Variants in MARCHF1 observed in about 807,000 individuals in gnomAD.
The protein encoded by MARCHF1 is membrane associated ring-CH-type finger 1, also known as E3 ubiquitin-protein ligase MARCHF1.
Under a neutral mutation model 54.2 loss-of-function variants are expected in MARCHF1, and 40 were observed. That is an observed-to-expected ratio of 0.74 (90% CI 0.57 to 0.96). The LOEUF is 0.96. Among genes scored for constraint, MARCHF1 ranks in the 40% least tolerant of loss-of-function variants. The pLI, the probability that MARCHF1 is intolerant of heterozygous loss-of-function variation, is 0.00. For missense variants in MARCHF1, 586 were observed against 656.5 expected, an observed-to-expected ratio of 0.89 and a Z score of 1.17; for synonymous variants, 236 against 236.3, an observed-to-expected ratio of 1.00 and a Z score of 0.01.
At chr4:164,333,619 C>G (rs968358856) in intron 1 of MARCHF1, among the ~76,000 whole-genome samples, 2 of 152,150 alleles carry the variant, frequency 1.3e-5, no homozygotes, top group African/African-American at 4.8e-5. Context: ...AACTCCGTCC[C>G]TCTCCTCGGA....
chr4:164,188,614 C>T (rs1731040389), intron 1 of MARCHF1: 11 of 937,548 alleles, frequency 1.2e-5, no homozygotes, highest in Middle Eastern at 2.1e-4. Context: ...TCGGCGATGC[C>T]GCCACGAACC....
intron 3 of MARCHF1, among the ~76,000 whole-genome samples, chr4:163,865,623 T>G (rs1039854287): frequency 1.3e-5 from 2 of 151,878 alleles, no homozygotes; most frequent in Non-Finnish European, 2.9e-5. Context: ...CTATAAAGTG[T>G]GTATGAAAGA....
chr4:164,096,143 T>C (rs545594050), intron 2 of MARCHF1, among the ~76,000 whole-genome samples: 32 of 152,150 alleles, frequency 2.1e-4, no homozygotes, highest in Non-Finnish European at 4.3e-4. Context: ...CTATTCACAA[T>C]AGCGAAGACA....
intron 5 of MARCHF1, among the ~76,000 whole-genome samples, chr4:163,669,476 G>A (rs1212973409): frequency 1.3e-5 from 2 of 152,150 alleles, no homozygotes; most frequent in Non-Finnish European, 2.9e-5. Context: ...ATTGAAAGCA[G>A]GGTGTATTTT....
chr4:164,149,772 T>C (rs189128392), intron 1 of MARCHF1, among the ~76,000 whole-genome samples: 14 of 152,264 alleles, frequency 9.2e-5, no homozygotes, highest in African/African-American at 3.4e-4. Context: ...TTTGGATGAA[T>C]GATGTAAAGA....
At chr4:163,961,169 A>C (rs1192285433) in intron 3 of MARCHF1, among the ~76,000 whole-genome samples, 1 of 151,972 alleles carries the variant, frequency 6.6e-6, no homozygotes, top group Non-Finnish European at 1.5e-5. Context: ...CATAGGCCTC[A>C]GCCTGTGAAT....
chr4:163,851,457 T>C (rs1749640058), intron 4 of MARCHF1, among the ~76,000 whole-genome samples: 1 of 152,186 alleles, frequency 6.6e-6, no homozygotes, highest in South Asian at 2.1e-4. Flanking sequence ...GTGTGGGAAG[T>C]GGATTGCAAA....
intron 4 of MARCHF1, among the ~76,000 whole-genome samples, chr4:163,760,152 T>C (rs983921731): frequency 4.6e-5 from 7 of 152,198 alleles, no homozygotes; most frequent in African/African-American, 1.4e-4. Context: ...CCACATTCTT[T>C]GGCCTGTGTC....
chr4:163,803,960 T>C (rs1748155191), intron 4 of MARCHF1, among the ~76,000 whole-genome samples: 1 of 152,206 alleles, frequency 6.6e-6, no homozygotes, highest in African/African-American at 2.4e-5. Flanking sequence ...ACATGTGACA[T>C]GGCAGGCATG....
chr4:163,925,701 C>A (rs1216253345), intron 3 of MARCHF1, among the ~76,000 whole-genome samples: 1 of 151,704 alleles, frequency 6.6e-6, no homozygotes, highest in African/African-American at 2.4e-5. Flanking sequence ...AAGGGCCAGA[C>A]TGAAATTGAA....
chr4:164,360,505 C>T (rs963689440), intron 1 of MARCHF1, among the ~76,000 whole-genome samples: 2 of 152,098 alleles, frequency 1.3e-5, no homozygotes, highest in African/African-American at 4.8e-5. Flanking sequence ...TGTTCATATT[C>T]GAACAGGAAT....
intron 4 of MARCHF1, among the ~76,000 whole-genome samples, chr4:163,735,458 G>GTTGCTATA (rs1746008086): frequency 6.6e-6 from 1 of 152,116 alleles, no homozygotes; most frequent in Non-Finnish European, 1.5e-5. Flanking sequence ...GTTGGTTTGT[G>GTTGCTATA]TTGCTATAAC....
At chr4:163,805,747 T>C (rs1440012577) in intron 4 of MARCHF1, among the ~76,000 whole-genome samples, 1 of 152,146 alleles carries the variant, frequency 6.6e-6, no homozygotes, top group East Asian at 1.9e-4. Context: ...TGCCACAACA[T>C]TAGTTGCTCT....
At chr4:163,733,147 A>ATT (rs1275272273) in intron 4 of MARCHF1, among the ~76,000 whole-genome samples, 2 of 80,776 alleles carry the variant, frequency 2.5e-5, no homozygotes, top group Non-Finnish European at 2.4e-5. Context: ...GCAAGACTCC[A>ATT]TTTCTCTCTC....
chr4:164,047,042 T>C (rs1159619581), intron 2 of MARCHF1, among the ~76,000 whole-genome samples: 1 of 152,236 alleles, frequency 6.6e-6, no homozygotes, highest in Non-Finnish European at 1.5e-5. Flanking sequence ...TGTAAACTTT[T>C]ATAAGTGTCA....
intron 4 of MARCHF1, among the ~76,000 whole-genome samples, chr4:163,757,979 C>T (rs559676745): frequency 5.3e-5 from 8 of 151,694 alleles, no homozygotes; most frequent in African/African-American, 1.9e-4. Context: ...TTTAATTTTT[C>T]TGTTTACGTA....
intron 5 of MARCHF1, among the ~76,000 whole-genome samples, chr4:163,622,062 ATCT>A (rs1488861345): frequency 1.3e-5 from 2 of 152,064 alleles, no homozygotes; most frequent in Admixed American, 6.6e-5. Context: ...AAATCTAGAC[ATCT>A]TCTTCTGCCT....
chr4:163,664,342 A>G (rs576514579), intron 5 of MARCHF1, among the ~76,000 whole-genome samples: 1 of 152,270 alleles, frequency 6.6e-6, no homozygotes, highest in South Asian at 2.1e-4. Context: ...ACTGGATACT[A>G]TTTTAAAATA....
In MARCHF1 at chr4:163,762,164, G is replaced by T. The variant is rs566202583; in HGVS notation, c.112-61301C>A. Among the ~76,000 whole-genome samples the T allele has an allele frequency of 2.9e-3, 446 of 152,166 alleles. 2 individuals are homozygous for T. Among genetic ancestry groups the T allele is most frequent in the African/African-American group, 0.01 (424 of 41,526 alleles). On this transcript the variant is annotated intron_variant, in intron 4 of 9. Transcript: ENST00000514618. ...AAGTAAAGCCTCTCTTCCTTAAATTGTATTTCTGAAAACAGGGTTTCTTAC... is the reference window on the plus strand; with the variant it reads ...AAGTAAAGCCTCTCTTCCTTAAATTTTATTTCTGAAAACAGGGTTTCTTAC...
Sources: gnomAD v4.1 joint callset for allele counts (sites outside exome capture counted in the v4.1 genomes callset) on GRCh38, gnomAD v4.1.1 for gene constraint, MANE v1.5 for transcripts, NCBI Gene and HGNC (gene_info 2026-07-23, HGNC 2026-07-21) for gene names.